Variants in PPP2R5E observed in about 807,000 individuals in gnomAD.
PPP2R5E encodes the protein protein phosphatase 2 regulatory subunit B'epsilon.
Under a neutral mutation model 65.3 loss-of-function variants are expected in PPP2R5E, and 4 were observed. The ratio of observed to expected loss-of-function variants is 0.06; its 90% CI spans 0.03 to 0.14. The LOEUF is 0.14. Ranked by LOEUF, PPP2R5E falls within the 10% of genes least tolerant of loss-of-function variation. PPP2R5E has a pLI of 1.00. For synonymous variants in PPP2R5E, 183 were observed against 187.4 expected (o/e 0.98, Z 0.19); for missense variants, 274 against 556.1 (o/e 0.49, Z 5.10).
intron 2 of PPP2R5E, among the ~76,000 whole-genome samples, chr14:63,493,512 GA>G (rs1891390609): frequency 6.6e-6 from 1 of 151,008 alleles, no homozygotes; most frequent in Non-Finnish European, 1.5e-5. Flanking sequence ...GTGGTGGGGG[GA>G]GGGGGAGGGG....
rs12883191 is a variant in PPP2R5E, at chr14:63,465,473, A to C, written c.158-11588T>G. 7.8e-5 allele frequency among the ~76,000 whole-genome samples: 6 copies of C among 77,404 alleles called. No individual in the cohort carries two copies. The South Asian group carries it at 1.3e-3, about 17-fold the overall frequency. 50.8% of individuals were successfully genotyped at this position (77,404 alleles called of 152,430 possible). On this transcript the variant is annotated intron_variant, in intron 2 of 13. Transcript: ENST00000337537. ...TACAAAAAAAAAAAAAAAAAAAAAA[A>C]CAACAACTAACAAAAGATTAGCCAG...
chr14:63,526,196 G>T (rs1328943233), intron 2 of PPP2R5E, among the ~76,000 whole-genome samples: 1 of 152,064 alleles, frequency 6.6e-6, no homozygotes, highest in Non-Finnish European at 1.5e-5. Context: ...ATAAAATGCT[G>T]CAAAACTAAC....
At chr14:63,427,985 A>ATC (rs974858235) in intron 3 of PPP2R5E, among the ~76,000 whole-genome samples, 1 of 151,790 alleles carries the variant, frequency 6.6e-6, no homozygotes, top group Non-Finnish European at 1.5e-5. Flanking sequence ...TTTTCCTCTC[A>ATC]TCTTCCCTAC....
In PPP2R5E at chr14:63,426,379, G is replaced by C. The variant is rs118025526; in HGVS notation, c.355-4285C>G. 3.3e-5 allele frequency among the ~76,000 whole-genome samples: 5 copies of C among 151,664 alleles called. No homozygotes were observed. The East Asian group carries it at 9.7e-4, about 29-fold the overall frequency. On this transcript the variant is annotated intron_variant, in intron 3 of 13. Coordinates refer to ENST00000337537, the MANE Select transcript of PPP2R5E (RefSeq NM_006246.5). ...GTTTATCAACTCAGTGGAATATTGT[G>C]CAGCATTAAAGATGATGGCTATATG...
intron 2 of PPP2R5E, among the ~76,000 whole-genome samples, chr14:63,534,288 G>C (rs1055734265): frequency 2.6e-5 from 4 of 151,934 alleles, no homozygotes; most frequent in African/African-American, 9.7e-5. Flanking sequence ...TCCAAGTCTT[G>C]ACTTTCTTTT....
chr14:63,542,918 G>T lies in PPP2R5E; in HGVS notation c.-147C>A, dbSNP rs1893967915. 1 of 152,998 alleles carries T rather than the reference G, an allele frequency of 6.5e-6. No homozygotes were observed. The highest frequency in any genetic ancestry group is 2.0e-4 in the South Asian group (1 of 5,056). The allele number at this position is 152,998 out of a possible 1,614,324, so 9.5% of individuals were successfully genotyped here. A position where few individuals can be genotyped will look rare whatever the true frequency, so the allele number is the denominator to read the frequency against. Reference sequence around the variant, plus strand: ...CGGGCAGCTGCGGGGAGCCTGGGGCGACGGCTGTCCGGTACGGGGTCCCTC... The same window carrying T: ...CGGGCAGCTGCGGGGAGCCTGGGGCTACGGCTGTCCGGTACGGGGTCCCTC... On this transcript the variant is annotated 5_prime_UTR_variant, in exon 1 of 14. Transcript: ENST00000337537.
At chr14:63,418,198 C>T (rs1886806716) in intron 4 of PPP2R5E, among the ~76,000 whole-genome samples, 1 of 152,162 alleles carries the variant, frequency 6.6e-6, no homozygotes, top group East Asian at 1.9e-4. Flanking sequence ...TCTGTCAACT[C>T]TCAGTTTTAC....
intron 2 of PPP2R5E, among the ~76,000 whole-genome samples, chr14:63,503,415 G>C (rs2139675036): frequency 6.6e-6 from 1 of 152,242 alleles, no homozygotes; most frequent in East Asian, 1.9e-4. Flanking sequence ...GCAATATCCA[G>C]TCTGCTCAAA....
At chr14:63,385,818 G>C (rs966804024) in intron 11 of PPP2R5E, among the ~76,000 whole-genome samples, 1 of 152,094 alleles carries the variant, frequency 6.6e-6, no homozygotes, top group Non-Finnish European at 1.5e-5. Flanking sequence ...GTTTGTTTCT[G>C]GTCCCTTCCT....
At chr14:63,448,424 C>A (rs1045404717) in intron 3 of PPP2R5E, among the ~76,000 whole-genome samples, 1 of 152,088 alleles carries the variant, frequency 6.6e-6, no homozygotes, top group African/African-American at 2.4e-5. Flanking sequence ...ATATGTGACA[C>A]AAAGATATGA....
chr14:63,410,075 G>C (rs1886314943), intron 5 of PPP2R5E, among the ~76,000 whole-genome samples: 2 of 152,160 alleles, frequency 1.3e-5, no homozygotes, highest in African/African-American at 4.8e-5. Flanking sequence ...ACTGACAGAG[G>C]AATGACAGTC....
intron 3 of PPP2R5E, among the ~76,000 whole-genome samples, chr14:63,446,871 C>G (rs528395507): frequency 6.9e-4 from 104 of 151,746 alleles, no homozygotes; most frequent in African/African-American, 2.4e-3. Context: ...ACATTCATCT[C>G]CTTGTATATC....
At chr14:63,521,822 G>C (rs1054448459) in intron 2 of PPP2R5E, among the ~76,000 whole-genome samples, 6 of 152,072 alleles carry the variant, frequency 3.9e-5, no homozygotes, top group Non-Finnish European at 8.8e-5. Context: ...TTTGATTTTT[G>C]CTCACAAACT....
intron 4 of PPP2R5E, among the ~76,000 whole-genome samples, chr14:63,417,952 C>T (rs772949081): frequency 2.0e-5 from 3 of 152,132 alleles, no homozygotes; most frequent in Non-Finnish European, 4.4e-5. Context: ...CCACAGATAC[C>T]ACTGATTTAA....
chr14:63,518,039 T>A (rs11844808), intron 2 of PPP2R5E, among the ~76,000 whole-genome samples: 25 of 148,568 alleles, frequency 1.7e-4, no homozygotes, highest in African/African-American at 6.3e-4. Flanking sequence ...GTGGCATCCA[T>A]AGAACATATA....
intron 2 of PPP2R5E, among the ~76,000 whole-genome samples, chr14:63,466,128 T>C (rs911686896): frequency 3.4e-4 from 51 of 152,178 alleles, no homozygotes; most frequent in African/African-American, 1.1e-3. Flanking sequence ...GTATTTTCCA[T>C]TTGTTTTGAA....
intron 3 of PPP2R5E, among the ~76,000 whole-genome samples, chr14:63,437,559 A>AT (rs1006787867): frequency 2.6e-5 from 4 of 151,758 alleles, no homozygotes; most frequent in South Asian, 4.2e-4. Context: ...ATTGTCTACA[A>AT]TTTTTTTTTA....
intron 3 of PPP2R5E, among the ~76,000 whole-genome samples, chr14:63,423,103 T>C (rs1398199128): frequency 6.6e-6 from 1 of 152,166 alleles, no homozygotes; most frequent in African/African-American, 2.4e-5. Context: ...ATATTTCCTT[T>C]TGTTTTTTTG....
chr14:63,517,673 T>C (rs183692642), intron 2 of PPP2R5E, among the ~76,000 whole-genome samples: 1 of 152,336 alleles, frequency 6.6e-6, no homozygotes, highest in Admixed American at 6.5e-5. Context: ...ATTTAAATTA[T>C]AATAGCTCAG....
Sources: gnomAD v4.1 joint callset for allele counts (sites outside exome capture counted in the v4.1 genomes callset) on GRCh38, gnomAD v4.1.1 for gene constraint, MANE v1.5 for transcripts, NCBI Gene and HGNC (gene_info 2026-07-23, HGNC 2026-07-21) for gene names.